PTPRQ: variants seen among roughly 807,000 people sequenced by gnomAD.
PTPRQ encodes protein tyrosine phosphatase receptor type Q.
In PTPRQ, 199 loss-of-function variants were observed where a neutral mutation model predicts 246.0. The observed-to-expected ratio is 0.81, with a 90% CI of 0.72 to 0.91. The LOEUF (loss-of-function observed/expected upper bound fraction) is 0.91. Ranked by LOEUF, PTPRQ falls within the 40% of genes least tolerant of loss-of-function variation. The probability of loss-of-function intolerance (pLI) is 0.00; values close to 1 mark genes in which losing one functional copy is unlikely to be tolerated. For synonymous variants in PTPRQ, 869 were observed against 853.2 expected, an observed-to-expected ratio of 1.02 and a Z score of -0.32; for missense variants, 2,624 against 2,528.4, an observed-to-expected ratio of 1.04 and a Z score of -0.81.
At chr12:80,550,910 T>G (rs770676306) in intron 25 of PTPRQ, among the ~76,000 whole-genome samples, 4 of 152,238 alleles carry the variant, frequency 2.6e-5, no homozygotes, top group Non-Finnish European at 4.4e-5. Flanking sequence ...ATTTTACTAA[T>G]AATATCAAAT....
At position 80,479,173 on chromosome 12, in the gene PTPRQ, A is replaced by T. The variant is rs1893936786; in HGVS notation, c.1187-5260A>T. ...GGGAAGCCCATCAGACTAACAGCAGATCTCTCGGCAGAAACCCTACAAGCC... is the reference window on the plus strand; with the variant it reads ...GGGAAGCCCATCAGACTAACAGCAGTTCTCTCGGCAGAAACCCTACAAGCC... On this transcript the variant is annotated intron_variant, in intron 8 of 44. Coordinates refer to ENST00000644991, the MANE Select transcript of PTPRQ (RefSeq NM_001145026.2). 2.0e-5 allele frequency among the ~76,000 whole-genome samples: 3 copies of T among 151,728 alleles called. No homozygotes were observed. The East Asian group carries it at 5.8e-4, about 29-fold the overall frequency.
chr12:80,596,681 A>C (rs1478880575), intron 26 of PTPRQ, among the ~76,000 whole-genome samples: 3 of 152,044 alleles, frequency 2.0e-5, no homozygotes, highest in Non-Finnish European at 4.4e-5. Flanking sequence ...CTTTAACCTC[A>C]GTTCTAAGTT....
At chr12:80,525,795 T>A (rs1320067014) in intron 17 of PTPRQ, 1 of 152,076 alleles carries the variant, frequency 6.6e-6, no homozygotes, top group Non-Finnish European at 1.5e-5. Flanking sequence ...ATGTGGATAC[T>A]ATAAAAAACA....
At chr12:80,523,496 G>A (rs963417201) in intron 17 of PTPRQ, among the ~76,000 whole-genome samples, 16 of 152,164 alleles carry the variant, frequency 1.1e-4, no homozygotes, top group African/African-American at 2.2e-4. Context: ...TCTCTTGTGG[G>A]CATTTAGTGC....
rs1254627421 is a variant in PTPRQ, at chr12:80,484,576, G to A, written c.1330G>A (p.Glu444Lys). Residue 444 changes from glutamate to lysine, a missense_variant, in exon 9 of 45, where the codon GAA (glutamate) becomes AAA (lysine). Physicochemically the swap from Glu to Lys is moderately conservative, Grantham distance 56 (BLOSUM62 1). Coordinates refer to ENST00000644991, the MANE Select transcript of PTPRQ (RefSeq NM_001145026.2). ...AGTTCCAGAGACAGGAATAATTTTG[G>A]AAAATACTTTGCTCACTGGAAATAA... is the stretch of plus-strand genomic sequence containing the variant. ...VLVPETGIIL[E>K]NTLLTGNNEY... The A allele has an allele frequency of 6.5e-7, 1 of 1,549,850 alleles. No individual in the cohort carries two copies. The highest frequency in any genetic ancestry group is 8.7e-7 in the Non-Finnish European group (1 of 1,146,532).
At chr12:80,539,136 C>G (rs1270367992) in intron 19 of PTPRQ, among the ~76,000 whole-genome samples, 2 of 148,962 alleles carry the variant, frequency 1.3e-5, no homozygotes, top group African/African-American at 4.9e-5. Context: ...TACCCTAATA[C>G]TTTTTTTTAA....
intron 9 of PTPRQ, among the ~76,000 whole-genome samples, chr12:80,485,939 T>A (rs1433843199): frequency 6.6e-6 from 1 of 152,110 alleles, no homozygotes; most frequent in African/African-American, 2.4e-5. Flanking sequence ...AGTAGAGAGC[T>A]CATGAGCTTT....
rs1355498800 is a variant in PTPRQ at position 80,591,684 on chromosome 12, T to C, written c.4609+3232T>C. Among the ~76,000 whole-genome samples, 6 of 152,318 alleles carry C rather than the reference T, an allele frequency of 3.9e-5. No individual in the cohort carries two copies. The South Asian group carries it at 1.0e-3, about 26-fold the overall frequency. ...TTTTGTCAAGAAATAGCTATTCTAA[T>C]ATAACTAGAAAACAGAAATAAATAA... On this transcript the variant is annotated intron_variant, in intron 26 of 44. Transcript: ENST00000644991.
chr12:80,501,395 T>G (rs1482008202), intron 14 of PTPRQ, among the ~76,000 whole-genome samples: 2 of 151,960 alleles, frequency 1.3e-5, no homozygotes, highest in Non-Finnish European at 2.9e-5. Flanking sequence ...GCCATTTACT[T>G]AGATGGGGCA....
chr12:80,646,662 C>T (rs1029468063), intron 35 of PTPRQ, among the ~76,000 whole-genome samples: 7 of 152,020 alleles, frequency 4.6e-5, no homozygotes, highest in African/African-American at 7.2e-5. Flanking sequence ...AGTGCCCAGG[C>T]GATGTGGGTT....
At chr12:80,455,453 T>G (rs1892947112) in intron 3 of PTPRQ, among the ~76,000 whole-genome samples, 1 of 152,216 alleles carries the variant, frequency 6.6e-6, no homozygotes, top group South Asian at 2.1e-4. Context: ...TCTGTTGACA[T>G]TTTGGATATT....
At chr12:80,574,405 CTT>C (rs1189476863) in intron 25 of PTPRQ, among the ~76,000 whole-genome samples, 1 of 152,100 alleles carries the variant, frequency 6.6e-6, no homozygotes, top group Admixed American at 6.6e-5. Context: ...TAGATTTAAA[CTT>C]AGTATTAATT....
chr12:80,518,255 T>C (rs752919301), intron 17 of PTPRQ, among the ~76,000 whole-genome samples: 11 of 152,148 alleles, frequency 7.2e-5, no homozygotes, highest in Admixed American at 5.9e-4. Context: ...CACCTTTTCA[T>C]AAGCCCCCTT....
chr12:80,545,848 T>G (rs1013743500), intron 23 of PTPRQ, among the ~76,000 whole-genome samples: 1 of 150,646 alleles, frequency 6.6e-6, no homozygotes, highest in African/African-American at 2.4e-5. Flanking sequence ...ATAAATAAAT[T>G]TACACAGGAA....
intron 8 of PTPRQ, among the ~76,000 whole-genome samples, chr12:80,479,743 C>T (rs1040231385): frequency 2.7e-5 from 4 of 150,936 alleles, no homozygotes; most frequent in African/African-American, 9.8e-5. Flanking sequence ...TCTGATAAAA[C>T]AGACTTTAAA....
At chr12:80,537,532 C>G (rs771793039) in intron 19 of PTPRQ, among the ~76,000 whole-genome samples, 1 of 152,114 alleles carries the variant, frequency 6.6e-6, no homozygotes, top group African/African-American at 2.4e-5. Context: ...AGGTTTAATG[C>G]TCAATACATA....
At chr12:80,459,206 A>G (rs1893069758) in intron 4 of PTPRQ, 78 bp from the exon 5 acceptor site, 1 of 396,996 alleles carries the variant, frequency 2.5e-6, no homozygotes. Flanking sequence ...ATTTAATTTC[A>G]TGTACCATGA....
At chr12:80,465,088 C>A (rs1028222357) in intron 6 of PTPRQ, 6 of 128,350 alleles carry the variant, frequency 4.7e-5, no homozygotes, top group Non-Finnish European at 9.7e-5. Context: ...AAAGGATCAA[C>A]AAAATTGACA....
intron 25 of PTPRQ, among the ~76,000 whole-genome samples, chr12:80,554,078 A>AGG (rs112515664): frequency 5.3e-4 from 77 of 146,146 alleles, no homozygotes; most frequent in African/African-American, 1.8e-3. Context: ...TAGGAGGGGC[A>AGG]GGGGGGGTAG....
Sources: gnomAD v4.1 joint callset for allele counts (sites outside exome capture counted in the v4.1 genomes callset) on GRCh38, gnomAD v4.1.1 for gene constraint, MANE v1.5 for transcripts, NCBI Gene and HGNC (gene_info 2026-07-23, HGNC 2026-07-21) for gene names.